NR2C2: variants seen among roughly 807,000 people sequenced by gnomAD.
NR2C2 encodes the protein nuclear receptor subfamily 2 group C member 2, also known as Nuclear hormone receptor TR4.
NR2C2 carries 6 observed loss-of-function variants against 62.9 expected under a neutral mutation model. That is an observed-to-expected ratio of 0.10 (90% CI 0.05 to 0.19). The LOEUF is 0.19. NR2C2 is among the 10% of genes least tolerant of loss of function. The pLI is 1.00. For synonymous variants in NR2C2, 272 were observed against 273.8 expected (o/e 0.99, Z 0.07); for missense variants, 479 against 762.7 (o/e 0.63, Z 4.38).
intron 1 of NR2C2, among the ~76,000 whole-genome samples, chr3:14,950,724 GC>G (rs2039330587): frequency 6.6e-6 from 1 of 152,190 alleles, no homozygotes; most frequent in Non-Finnish European, 1.5e-5. Context: ...AGCTGTGAGA[GC>G]AGGAATACAT....
rs2041727709 is a variant in NR2C2 at position 15,023,265 on chromosome 3, A to G, written c.622A>G (p.Thr208Ala). 2 of 1,614,140 alleles carry G rather than the reference A, an allele frequency of 1.2e-6. No homozygotes were observed. Among genetic ancestry groups the G allele is most frequent in the African/African-American group, 1.3e-5 (1 of 74,956 alleles). The part of the protein sequence containing the change: ...REKPSNCAAS[T>A]EKIYIRKDLR... ...GAAACCAAGCAATTGTGCTGCTTCA[A>G]CTGAGAAAATCTATATCCGGAAAGA... Residue 208 changes from threonine (T) to alanine (A), a missense_variant, in exon 6 of 14, where the codon ACT (threonine) becomes GCT (alanine). By Grantham distance (58) the Thr-to-Ala change is moderately conservative. Around this residue, in one of 4 missense-constraint regions of NR2C2, gnomAD observed 51 missense variants for 137.5 expected, o/e 0.37. Transcript: ENST00000425241.
intron 1 of NR2C2, among the ~76,000 whole-genome samples, chr3:14,996,026 C>T (rs2040823936): frequency 6.6e-6 from 1 of 152,062 alleles, no homozygotes; most frequent in Non-Finnish European, 1.5e-5. Flanking sequence ...TTTTTGTCTT[C>T]TTTTCATTGA....
intron 1 of NR2C2, among the ~76,000 whole-genome samples, chr3:14,949,881 CACAT>C (rs2039296564): frequency 6.6e-6 from 1 of 152,156 alleles, no homozygotes; most frequent in South Asian, 2.1e-4. Context: ...GATATTTATA[CACAT>C]ACATACACAG....
intron 1 of NR2C2, among the ~76,000 whole-genome samples, chr3:14,992,471 C>T (rs2040698948): frequency 6.6e-6 from 1 of 152,136 alleles, no homozygotes; most frequent in African/African-American, 2.4e-5. Flanking sequence ...CTTATTCATC[C>T]CCTAAGGTAT....
intron 1 of NR2C2, among the ~76,000 whole-genome samples, chr3:14,977,838 G>C (rs184092839): frequency 6.6e-6 from 1 of 151,850 alleles, no homozygotes; most frequent in East Asian, 1.9e-4. Flanking sequence ...GGTGGTGTGT[G>C]CCTGTAGTCC....
At position 15,044,334 on chromosome 3, in the gene NR2C2, C is replaced by T. The variant is rs961504612; in HGVS notation, c.*1326C>T. ...TTGGTTCCCCCAGGTGTGTGCCAGC[C>T]GACCACCCCGGAGCATTTTAAATGC... is the stretch of plus-strand genomic sequence containing the variant. On this transcript the variant is annotated 3_prime_UTR_variant, in exon 14 of 14. Coordinates refer to ENST00000425241, the MANE Select transcript of NR2C2 (RefSeq NM_001291694.2). The T allele has an allele frequency of 1.4e-4, 21 of 152,298 alleles. No individual in the cohort carries two copies. Among genetic ancestry groups the T allele is most frequent in the African/African-American group, 4.6e-4 (19 of 41,560 alleles). The allele number at this position is 152,298 out of a possible 1,614,324, so 9.4% of individuals were successfully genotyped here.
chr3:15,030,496 G>GC, intron 9 of NR2C2, 44 bp downstream of exon 9: 1 of 1,521,348 alleles, frequency 6.6e-7, no homozygotes, highest in Non-Finnish European at 8.8e-7. Context: ...CCTGCTGGGG[G>GC]ATAGGTTCTG....
intron 1 of NR2C2, among the ~76,000 whole-genome samples, chr3:14,976,999 TTCAG>T (rs1200543368): frequency 6.6e-6 from 1 of 152,182 alleles, no homozygotes; most frequent in African/African-American, 2.4e-5. Flanking sequence ...AGAGGGTTCT[TTCAG>T]TCAAAGTTCA....
chr3:14,998,181 T>C (rs1218563868), intron 1 of NR2C2, among the ~76,000 whole-genome samples: 1 of 152,238 alleles, frequency 6.6e-6, no homozygotes, highest in Non-Finnish European at 1.5e-5. Context: ...TGGGAGATAT[T>C]TGAGTTGTTT....
At chr3:14,977,031 A>T (rs1263694030) in intron 1 of NR2C2, among the ~76,000 whole-genome samples, 1 of 152,126 alleles carries the variant, frequency 6.6e-6, no homozygotes. Flanking sequence ...CTGTTCTGGG[A>T]AATTGTTTTA....
intron 2 of NR2C2, among the ~76,000 whole-genome samples, chr3:15,008,692 G>A (rs1466233943): frequency 6.6e-6 from 1 of 152,088 alleles, no homozygotes; most frequent in Non-Finnish European, 1.5e-5. Flanking sequence ...ATCATTCCAG[G>A]GTCCTTTGGG....
chr3:15,006,551 G>C (rs979070042), intron 2 of NR2C2, among the ~76,000 whole-genome samples: 5 of 152,066 alleles, frequency 3.3e-5, no homozygotes, highest in African/African-American at 7.2e-5. Flanking sequence ...TTTGGGTTGA[G>C]GGACAAACCC....
chr3:14,969,236 TAAAG>T (rs1197291373), intron 1 of NR2C2, among the ~76,000 whole-genome samples: 1 of 147,120 alleles, frequency 6.8e-6, no homozygotes, highest in Non-Finnish European at 1.5e-5. Flanking sequence ...ATTGCCTAAA[TAAAG>T]ATTCTTTTTT....
intron 5 of NR2C2, among the ~76,000 whole-genome samples, chr3:15,021,836 C>T (rs1327862368): frequency 2.0e-5 from 3 of 152,190 alleles, no homozygotes; most frequent in Non-Finnish European, 4.4e-5. Flanking sequence ...AACAGGAATC[C>T]ACAAAATTCA....
chr3:15,010,904 A>T (rs2041334615), intron 2 of NR2C2, among the ~76,000 whole-genome samples: 1 of 152,218 alleles, frequency 6.6e-6, no homozygotes, highest in Non-Finnish European at 1.5e-5. Flanking sequence ...GCTCTGGTAC[A>T]GCATGTGTCA....
In NR2C2 at chr3:14,984,046, G is replaced by A. The variant is rs570945107; in HGVS notation, c.-39-19830G>A. On this transcript the variant is annotated intron_variant, in intron 1 of 13. Transcript: ENST00000425241. ...TGGGATTACAGGCATGAGCCACCACGCCTGGCTAATTTTGTATTTTTAGTA... is the reference window on the plus strand; with the variant it reads ...TGGGATTACAGGCATGAGCCACCACACCTGGCTAATTTTGTATTTTTAGTA... Among the ~76,000 whole-genome samples the A allele has an allele frequency of 3.9e-5, 6 of 152,024 alleles. No homozygotes were observed. In the South Asian group the frequency reaches 6.2e-4, roughly 16 times the overall value.
intron 1 of NR2C2, among the ~76,000 whole-genome samples, chr3:14,966,055 A>T (rs1241489566): frequency 1.3e-5 from 2 of 152,212 alleles, no homozygotes; most frequent in African/African-American, 4.8e-5. Flanking sequence ...TAATAACTAT[A>T]TATAATATTT....
chr3:14,961,385 A>G (rs1168575549), intron 1 of NR2C2, among the ~76,000 whole-genome samples: 1 of 152,200 alleles, frequency 6.6e-6, no homozygotes, highest in South Asian at 2.1e-4. Flanking sequence ...CCACTTTGTG[A>G]TTGAGGGAGG....
intron 2 of NR2C2, among the ~76,000 whole-genome samples, chr3:15,005,657 A>C (rs1353841179): frequency 6.6e-6 from 1 of 151,758 alleles, no homozygotes; most frequent in Non-Finnish European, 1.5e-5. Context: ...CAGCCTCCCA[A>C]GTAGTTGGGA....
Sources: allele counts gnomAD v4.1 joint callset (sites outside exome capture counted in the v4.1 genomes callset), GRCh38; gene constraint gnomAD v4.1.1; regional missense constraint gnomAD v4.1.1; transcripts MANE v1.5; gene names NCBI Gene and HGNC (gene_info 2026-07-23, HGNC 2026-07-21).